Variants in SH2D3A observed in about 807,000 individuals in gnomAD.
The protein encoded by SH2D3A is SH2 domain containing 3A.
SH2D3A carries 46 observed loss-of-function variants against 50.6 expected under a neutral mutation model. That is an observed-to-expected ratio of 0.91 (90% CI 0.72 to 1.16). The LOEUF is 1.16. Among genes scored for constraint, SH2D3A ranks in the 50% most tolerant of loss-of-function variants. The pLI is 0.00. For synonymous variants in SH2D3A, 377 were observed against 348.4 expected (o/e 1.08, Z -0.91); for missense variants, 783 against 786.2 (o/e 1.00, Z 0.05).
At position 6,763,713 on chromosome 19, in the gene SH2D3A, G is replaced by A; in HGVS notation, c.36C>T (p.Gly12=). The A allele has an allele frequency of 6.2e-7, 1 of 1,612,678 alleles. No individual in the cohort carries two copies. Among genetic ancestry groups the A allele is most frequent in the Non-Finnish European group, 8.5e-7 (1 of 1,179,624 alleles). The change falls in exon 2 of 10, where the codon GGC becomes GGT. Residue 12 remains glycine (G), a synonymous_variant. Transcript: ENST00000245908. ...QVPQDGEDLA[G]QPWYHGLLSR... ...ACAGGAGGCCGTGGTACCAAGGTTG[G>A]CCAGCAAGGTCTTCTCCATCCTGTG...
chr19:6,753,515 G>T lies in SH2D3A; in HGVS notation c.1511C>A (p.Ala504Glu). ...GGGTGCGTCCCGGACCATGTGACGC[G>T]CCCCGTGCAGGGTGCGCAACAGCCG... ...CERLLRTLHG[A>E]RHMVRDAPKF... The change falls in exon 9 of 10, where the codon GCG becomes GAG. Residue 504 changes from alanine (A) to glutamate (E), a missense_variant. Ala to Glu is a moderately radical substitution (Grantham distance 107, BLOSUM62 -1). Coordinates refer to ENST00000245908, the MANE Select transcript of SH2D3A (RefSeq NM_005490.3). 6.4e-7 allele frequency: 1 copy of T among 1,558,022 alleles called. No homozygotes were observed.
At chr19:6,754,520 C>A in intron 6 of SH2D3A, 95 bp from the exon 7 acceptor site, 1 of 1,578,626 alleles carries the variant, frequency 6.3e-7, no homozygotes, top group Admixed American at 1.8e-5. Flanking sequence ...CATCTCCCTT[C>A]TTCCCTGGGG....
At chr19:6,757,360 C>A (rs1969752393) in intron 4 of SH2D3A, 2 of 148,746 alleles carry the variant, frequency 1.3e-5, no homozygotes, top group Non-Finnish European at 3.0e-5. Flanking sequence ...CTCTGTGGCC[C>A]AGGCTGGAGT....
chr19:6,760,359 G>A (rs1198446248), intron 3 of SH2D3A, among the ~76,000 whole-genome samples: 1 of 152,120 alleles, frequency 6.6e-6, no homozygotes, highest in East Asian at 1.9e-4. Flanking sequence ...CTGGGCAACA[G>A]AGTGAGACTT....
In SH2D3A at chr19:6,761,405, G is replaced by A. The variant is rs193232537; in HGVS notation, c.70-418C>T. On this transcript the variant is annotated intron_variant, in intron 2 of 9. Transcript: ENST00000245908. ...CTGATTTATGGAGCTTTGCATCTCT[G>A]CTTCTCAACCACCTTGGACTATGAC... Among the ~76,000 whole-genome samples, 403 of 152,312 alleles carry A rather than the reference G, an allele frequency of 2.6e-3. 2 individuals are homozygous for A. The highest frequency in any genetic ancestry group is 4.6e-3 in the Non-Finnish European group (312 of 68,026).
intron 3 of SH2D3A, among the ~76,000 whole-genome samples, chr19:6,760,171 T>C (rs1270243043): frequency 1.3e-5 from 2 of 151,760 alleles, no homozygotes; most frequent in Non-Finnish European, 2.9e-5. Flanking sequence ...GGTCAGGAGT[T>C]TGAGACCAGC....
At position 6,754,175 on chromosome 19, in the gene SH2D3A, G is replaced by T; in HGVS notation, c.1273-12C>A. ...TCCAACCGGGACACCTGGGAGAAGA[G>T]ATCTGAGCACGCCTCCTCTCCAGTC... On this transcript the variant is annotated splice_polypyrimidine_tract_variant and intron_variant, in intron 7 of 9. Coordinates refer to ENST00000245908, the MANE Select transcript of SH2D3A (RefSeq NM_005490.3). The T allele has an allele frequency of 6.2e-7, 1 of 1,611,752 alleles. No individual in the cohort carries two copies. Among genetic ancestry groups the T allele is most frequent in the South Asian group, 1.1e-5 (1 of 90,678 alleles).
At position 6,754,036 on chromosome 19, in the gene SH2D3A, C is replaced by T. The variant is rs368991633; in HGVS notation, c.1384+16G>A. The T allele has an allele frequency of 2.5e-4, 389 of 1,584,828 alleles. No individual in the cohort carries two copies. The highest frequency in any genetic ancestry group is 6.4e-4 in the South Asian group (56 of 87,264). On this transcript the variant is annotated intron_variant, in intron 8 of 9. Coordinates refer to ENST00000245908, the MANE Select transcript of SH2D3A (RefSeq NM_005490.3). ...CTGGGCCCCCAGGGGATGCTAAGCC[C>T]CAGACCTTCACTTACCAGCGCCCTC...
At chr19:6,752,819 C>A in intron 9 of SH2D3A, 66 bp from the exon 10 acceptor site, 1 of 1,445,356 alleles carries the variant, frequency 6.9e-7, no homozygotes, top group Non-Finnish European at 9.1e-7. Context: ...CCCAACCTCC[C>A]GGCACCTTCC....
At chr19:6,764,880 T>C (rs1239636269) in intron 1 of SH2D3A, among the ~76,000 whole-genome samples, 1 of 144,594 alleles carries the variant, frequency 6.9e-6, no homozygotes, top group Admixed American at 6.8e-5. Flanking sequence ...TAATTTTTTT[T>C]TTTTTTTTTT....
chr19:6,755,633 C>T (rs888288597), intron 4 of SH2D3A, among the ~76,000 whole-genome samples: 1 of 150,440 alleles, frequency 6.6e-6, no homozygotes, highest in Admixed American at 6.6e-5. Context: ...AAGCAATCCT[C>T]CCTCCTCGGC....
Position 6,752,976 on chromosome 19 carries a change from G to A in SH2D3A, c.1571-223C>T, listed in dbSNP as rs1385661475. ...CTGAGGGGCTCTACCGCAGTGCAAT[G>A]GGGTGGCCTGTTCCAGGTGCCAGAT... On this transcript the variant is annotated intron_variant, in intron 9 of 9. Coordinates refer to ENST00000245908, the MANE Select transcript of SH2D3A (RefSeq NM_005490.3). 4 of 985,420 alleles carry A rather than the reference G, an allele frequency of 4.1e-6. No homozygotes were observed. The East Asian group carries it at 4.5e-4, about 112-fold the overall frequency. The allele number at this position is 985,420 out of a possible 1,614,324, so 61.0% of individuals were successfully genotyped here.
Position 6,760,851 on chromosome 19 carries a change from G to A in SH2D3A, c.206C>T (p.Pro69Leu). 6.2e-7 allele frequency: 1 copy of A among 1,614,262 alleles called. No homozygotes were observed. The highest frequency in any genetic ancestry group is 8.5e-7 in the Non-Finnish European group (1 of 1,180,042). The change falls in exon 3 of 10, where the codon CCC becomes CTC. Residue 69 changes from proline to leucine, a missense_variant. Transcript: ENST00000245908. ...HFEVFRVALR[P>L]RPGRPTALFQ... ...GAGGGCTGTGGGTCGGCCTGGCCGG[G>A]GACGCAGGGCCACACGGAACACCTC...
rs998615138 is a variant in SH2D3A at position 6,764,713 on chromosome 19, C to CT, written c.-68-898dup. 4.2e-3 allele frequency among the ~76,000 whole-genome samples: 624 copies of CT among 147,460 alleles called. 3 individuals carry two copies. The highest frequency in any genetic ancestry group is 0.015 in the African/African-American group (596 of 40,196). On this transcript the variant is annotated intron_variant, in intron 1 of 9. Coordinates refer to ENST00000245908, the MANE Select transcript of SH2D3A (RefSeq NM_005490.3). The stretch of plus-strand genomic sequence containing the variant: ...AAGTACAGGTGCTAGGGTGAACACT[C>CT]TTTTTTTTTTGAGACAGAGTCTTGC...
In SH2D3A at chr19:6,754,135, T is replaced by C; in HGVS notation, c.1301A>G (p.Gln434Arg). The change falls in exon 8 of 10, where the codon CAG becomes CGG. Residue 434 changes from glutamine (Q) to arginine (R), a missense_variant. By Grantham distance (43) the Gln-to-Arg change is conservative. Coordinates refer to ENST00000245908, the MANE Select transcript of SH2D3A (RefSeq NM_005490.3). ...AGCCTCCGTGTGGCTCCTTCGGAGC[T>C]GGCGCCACGTGTGCTCCAACCGGGA... ...QVSRLEHTWRQLRRSHTEAAL... is the reference protein window; with the variant it reads ...QVSRLEHTWRRLRRSHTEAAL... The C allele has an allele frequency of 2.5e-6, 4 of 1,613,350 alleles. No homozygotes were observed. Among genetic ancestry groups the C allele is most frequent in the Non-Finnish European group, 2.5e-6 (3 of 1,179,770 alleles).
intron 9 of SH2D3A, 175 bp downstream of exon 9, chr19:6,753,281 A>C: frequency 2.0e-6 from 2 of 985,358 alleles, no homozygotes; most frequent in Non-Finnish European, 2.4e-6. Context: ...ATACCGCTGG[A>C]TGCAGCGTTT....
At chr19:6,761,790 A>C (rs1452830134) in intron 2 of SH2D3A, among the ~76,000 whole-genome samples, 1 of 151,932 alleles carries the variant, frequency 6.6e-6, no homozygotes, top group Admixed American at 6.6e-5. Context: ...TCTACCAAAA[A>C]ATATAAAAAT....
At position 6,752,310 on chromosome 19, in the gene SH2D3A, T is replaced by A; in HGVS notation, c.*283A>T. On this transcript the variant is annotated 3_prime_UTR_variant, in exon 10 of 10. Transcript: ENST00000245908. ...GAGATTACAGGCCTGAGCTGCTGTA[T>A]GGCTATGATTTTGTTAAAGGCCGAC... 3.0e-6 allele frequency: 1 copy of A among 338,152 alleles called. No individual in the cohort carries two copies. The highest frequency in any genetic ancestry group is 2.1e-5 in the African/African-American group (1 of 47,446). 20.9% of individuals were successfully genotyped at this position (338,152 alleles called of 1,614,324 possible).
In SH2D3A at chr19:6,760,938, G is replaced by A; in HGVS notation, c.119C>T (p.Ser40Phe). The change falls in exon 3 of 10, where the codon TCT becomes TTT. Residue 40 changes from serine to phenylalanine, a missense_variant. Coordinates refer to ENST00000245908, the MANE Select transcript of SH2D3A (RefSeq NM_005490.3). ...CACGGGGTTGCCCCCACGGGACCCAGAGGCGCGAACCAGGAAGTCGCCATT... is the reference window on the plus strand; with the variant it reads ...CACGGGGTTGCCCCCACGGGACCCAAAGGCGCGAACCAGGAAGTCGCCATT... ...QQNGDFLVRA[S>F]GSRGGNPVIS... 6.2e-7 allele frequency: 1 copy of A among 1,613,830 alleles called. No individual in the cohort carries two copies. The highest frequency in any genetic ancestry group is 2.2e-5 in the East Asian group (1 of 44,884).
Sources: gnomAD v4.1 joint callset for allele counts (sites outside exome capture counted in the v4.1 genomes callset) on GRCh38, gnomAD v4.1.1 for gene constraint, MANE v1.5 for transcripts, NCBI Gene and HGNC (gene_info 2026-07-23, HGNC 2026-07-21) for gene names.